CCSER1: variants seen among roughly 807,000 people sequenced by gnomAD.
CCSER1 encodes coiled-coil serine rich protein 1, also known as serine-rich coiled-coil domain-containing protein 1.
A neutral mutation model predicts 82.0 loss-of-function variants in CCSER1; 41 were observed. The observed-to-expected ratio is 0.50, with a 90% CI of 0.39 to 0.65. CCSER1 has a LOEUF of 0.65. Ranked by LOEUF, CCSER1 falls within the 30% of genes least tolerant of loss-of-function variation. The probability of loss-of-function intolerance (pLI) is 0.00; values close to 1 mark genes in which losing one functional copy is unlikely to be tolerated. For synonymous variants in CCSER1, 414 were observed against 383.9 expected (o/e 1.08, Z -0.92); for missense variants, 1,119 against 1,064.2 (o/e 1.05, Z -0.72).
At chr4:91,428,044 G>C (rs1304552110) in intron 10 of CCSER1, among the ~76,000 whole-genome samples, 1 of 151,888 alleles carries the variant, frequency 6.6e-6, no homozygotes, top group African/African-American at 2.4e-5. Flanking sequence ...TTGAATTTCT[G>C]TTTCATTATT....
At chr4:91,515,872 T>C (rs1760084087) in intron 10 of CCSER1, among the ~76,000 whole-genome samples, 1 of 151,808 alleles carries the variant, frequency 6.6e-6, no homozygotes, top group Non-Finnish European at 1.5e-5. Context: ...TCTTTTTTTT[T>C]TTTTTTTTTG....
intron 8 of CCSER1, among the ~76,000 whole-genome samples, chr4:90,899,142 G>A (rs1580990390): frequency 2.0e-5 from 3 of 151,970 alleles, no homozygotes; most frequent in Middle Eastern, 6.8e-3. Flanking sequence ...TGTAGTTCTT[G>A]TTGTAGAGAT....
intron 8 of CCSER1, among the ~76,000 whole-genome samples, chr4:90,900,668 T>C (rs1724505214): frequency 6.6e-6 from 1 of 152,058 alleles, no homozygotes; most frequent in South Asian, 2.1e-4. Context: ...TTGCTTGATA[T>C]GACTTTGATT....
At chr4:90,413,978 A>T (rs1248186887) in intron 4 of CCSER1, among the ~76,000 whole-genome samples, 1 of 103,862 alleles carries the variant, frequency 9.6e-6, no homozygotes, top group Non-Finnish European at 1.8e-5. Flanking sequence ...AAAAAAAAAA[A>T]AAAATATATA....
intron 8 of CCSER1, among the ~76,000 whole-genome samples, chr4:90,847,359 G>C (rs1763346865): frequency 6.6e-6 from 1 of 152,320 alleles, no homozygotes; most frequent in South Asian, 2.1e-4. Context: ...CCTTGGTTCT[G>C]ATCAGGAGAC....
chr4:90,464,784 T>C (rs1763397419), intron 4 of CCSER1, among the ~76,000 whole-genome samples: 1 of 152,254 alleles, frequency 6.6e-6, no homozygotes. Flanking sequence ...GTCTCATGTT[T>C]TTTATATTAC....
At chr4:91,148,363 A>T (rs1355361816) in intron 10 of CCSER1, among the ~76,000 whole-genome samples, 1 of 152,188 alleles carries the variant, frequency 6.6e-6, no homozygotes, top group Non-Finnish European at 1.5e-5. Flanking sequence ...AACTCTATTA[A>T]TGAGACAAAC....
At chr4:91,392,369 A>ACGCG (rs1383281658) in intron 10 of CCSER1, among the ~76,000 whole-genome samples, 1 of 151,028 alleles carries the variant, frequency 6.6e-6, no homozygotes, top group South Asian at 2.1e-4. Flanking sequence ...ACATGCACAC[A>ACGCG]CACACACACA....
chr4:90,585,967 A>C (rs1315165346), intron 5 of CCSER1, among the ~76,000 whole-genome samples: 1 of 152,204 alleles, frequency 6.6e-6, no homozygotes, highest in African/African-American at 2.4e-5. Context: ...ACAACTGAAA[A>C]ATAGGTGAAA....
intron 1 of CCSER1, among the ~76,000 whole-genome samples, chr4:90,263,706 G>C (rs369076261): frequency 6.6e-6 from 1 of 152,132 alleles, no homozygotes; most frequent in Non-Finnish European, 1.5e-5. Flanking sequence ...ATTTGAGCTT[G>C]CCCTAAGTAG....
At chr4:90,588,393 T>C (rs1197463781) in intron 5 of CCSER1, among the ~76,000 whole-genome samples, 18 of 152,224 alleles carry the variant, frequency 1.2e-4, no homozygotes, top group Admixed American at 1.2e-3. Context: ...TGGAGTAGAT[T>C]TAATCTCAAG....
At chr4:90,856,189 C>T (rs561626060) in intron 8 of CCSER1, among the ~76,000 whole-genome samples, 58 of 152,112 alleles carry the variant, frequency 3.8e-4, no homozygotes, top group Non-Finnish European at 7.4e-4. Context: ...GGGCTCAACA[C>T]ATGAGTCATA....
At chr4:90,870,815 CT>C (rs35869800) in intron 8 of CCSER1, among the ~76,000 whole-genome samples, 26,783 of 109,048 alleles carry the variant, frequency 0.25, 2,680 homozygotes, top group African/African-American at 0.28. Flanking sequence ...AGGTCCTTGG[CT>C]TTTTTTTTTT....
chr4:91,435,042 G>A (rs1459604407), intron 10 of CCSER1, among the ~76,000 whole-genome samples: 1 of 152,108 alleles, frequency 6.6e-6, no homozygotes, highest in East Asian at 1.9e-4. Flanking sequence ...TTTACCTGCT[G>A]GCATGTACAT....
chr4:90,145,659 A>C (rs1394496208), intron 1 of CCSER1, among the ~76,000 whole-genome samples: 2 of 152,078 alleles, frequency 1.3e-5, no homozygotes, highest in African/African-American at 4.8e-5. Flanking sequence ...TAGGTTACAG[A>C]GTTTTCATTG....
intron 5 of CCSER1, among the ~76,000 whole-genome samples, chr4:90,571,859 CTA>C (rs1397288509): frequency 1.3e-5 from 2 of 151,954 alleles, no homozygotes; most frequent in African/African-American, 4.8e-5. Flanking sequence ...ATTATTGTAA[CTA>C]TTATTTTTAA....
chr4:90,377,547 G>A (rs533153588), intron 3 of CCSER1, among the ~76,000 whole-genome samples: 6 of 152,144 alleles, frequency 3.9e-5, no homozygotes, highest in Admixed American at 3.9e-4. Flanking sequence ...TGGTCTCCAA[G>A]GAAAATATCA....
chr4:90,477,874 T>C (rs1351324312), intron 5 of CCSER1, among the ~76,000 whole-genome samples: 1 of 152,102 alleles, frequency 6.6e-6, no homozygotes. Flanking sequence ...GAATAGAGCA[T>C]ATTTACTGTT....
At chr4:90,700,697 G>A (rs1484858062) in intron 6 of CCSER1, among the ~76,000 whole-genome samples, 2 of 152,152 alleles carry the variant, frequency 1.3e-5, no homozygotes, top group Non-Finnish European at 2.9e-5. Context: ...GGTGTGAGAT[G>A]GTATCTCACT....
Sources: allele counts gnomAD v4.1 joint callset (sites outside exome capture counted in the v4.1 genomes callset), GRCh38; gene constraint gnomAD v4.1.1; transcripts MANE v1.5; gene names NCBI Gene and HGNC (gene_info 2026-07-23, HGNC 2026-07-21).